The following UNC79 variants were observed in gnomAD, a reference collection of about 807,000 sequenced individuals.
UNC79 encodes the protein unc-79 subunit of NALCN channel complex.
A neutral mutation model predicts 283.1 loss-of-function variants in UNC79; 37 were observed. That is an observed-to-expected ratio of 0.13 (90% confidence interval 0.10 to 0.17). UNC79 has a LOEUF of 0.17. Ranked by LOEUF, UNC79 falls within the 10% of genes least tolerant of loss-of-function variation. The probability of loss-of-function intolerance (pLI) is 1.00; values close to 1 mark genes in which losing one functional copy is unlikely to be tolerated. For missense variants in UNC79, 2,272 were observed against 3,211.1 expected, an observed-to-expected ratio of 0.71 and a Z score of 7.07; for synonymous variants, 1,107 against 1,200.2, an observed-to-expected ratio of 0.92 and a Z score of 1.61.
At chr14:93,476,718 A>G (rs1489328095) in intron 3 of UNC79, among the ~76,000 whole-genome samples, 10 of 152,224 alleles carry the variant, frequency 6.6e-5, no homozygotes, top group Non-Finnish European at 1.3e-4. Context: ...ATATTTTGGG[A>G]AGTCCAGGAA....
chr14:93,640,424 C>A (rs560699933), intron 32 of UNC79, among the ~76,000 whole-genome samples: 3 of 152,100 alleles, frequency 2.0e-5, no homozygotes, highest in Non-Finnish European at 4.4e-5. Flanking sequence ...AGCCTAGGAT[C>A]TTGAGACAAG....
At chr14:93,360,010 T>C (rs1202112735) in intron 1 of UNC79, among the ~76,000 whole-genome samples, 2 of 152,168 alleles carry the variant, frequency 1.3e-5, no homozygotes, top group African/African-American at 2.4e-5. Flanking sequence ...CAAAACATCA[T>C]TGTGGTCCTC....
chr14:93,622,406 G>A (rs771216543), exon 30 of UNC79: 2 of 1,614,150 alleles, frequency 1.2e-6, no homozygotes, highest in South Asian at 1.1e-5. Flanking sequence ...GGACGCCGAA[G>A]GATCCTCAAA....
intron 1 of UNC79, among the ~76,000 whole-genome samples, chr14:93,416,797 A>G (rs1440168159): frequency 2.6e-5 from 4 of 151,762 alleles, no homozygotes; most frequent in African/African-American, 9.7e-5. Context: ...GTCTCTTTTG[A>G]TCTTTGTTGG....
At chr14:93,618,066 C>A in intron 28 of UNC79, 126 bp from the exon 30 acceptor site, 3 of 853,438 alleles carry the variant, frequency 3.5e-6, no homozygotes, top group Admixed American at 3.5e-5. Flanking sequence ...GTTTCTACTT[C>A]TCTCTCTCTC....
At chr14:93,692,459 A>G (rs117730898) in intron 46 of UNC79, among the ~76,000 whole-genome samples, 3,961 of 152,322 alleles carry the variant, frequency 0.026, 68 homozygotes, top group South Asian at 0.062. Context: ...GTTTGATGCT[A>G]TAATGTCAGA....
At chr14:93,639,548 C>T (rs544678232) in intron 32 of UNC79, among the ~76,000 whole-genome samples, 12 of 152,128 alleles carry the variant, frequency 7.9e-5, no homozygotes, top group South Asian at 2.1e-4. Flanking sequence ...TATACACTTA[C>T]GTATACTTAG....
intron 26 of UNC79, among the ~76,000 whole-genome samples, chr14:93,611,431 G>A (rs992010294): frequency 6.6e-6 from 1 of 152,164 alleles, no homozygotes; most frequent in Admixed American, 6.5e-5. Context: ...TGGGAAACTC[G>A]ACAACTAAGC....
At chr14:93,646,276 T>C (rs1246124396) in intron 34 of UNC79, among the ~76,000 whole-genome samples, 1 of 152,216 alleles carries the variant, frequency 6.6e-6, no homozygotes, top group Admixed American at 6.5e-5. Context: ...GAAATGAATT[T>C]CGAGTTGAGT....
chr14:93,689,973 T>G (rs1398495666), intron 44 of UNC79, 144 bp from the exon 48 acceptor site: 1 of 784,204 alleles, frequency 1.3e-6, no homozygotes, highest in Non-Finnish European at 2.0e-6. Flanking sequence ...ATCATTTTGT[T>G]GACACTCAAT....
At chr14:93,561,743 C>G (rs2062567655) in intron 14 of UNC79, among the ~76,000 whole-genome samples, 1 of 152,134 alleles carries the variant, frequency 6.6e-6, no homozygotes, top group South Asian at 2.1e-4. Flanking sequence ...GATCATCTAT[C>G]CACTCTAAGA....
rs1226743736 is a variant in UNC79 at position 93,583,637 on chromosome 14, C to T, written c.2803+1293C>T. On this transcript the variant is annotated intron_variant, in intron 20 of 48. Coordinates refer to ENST00000555664, the Ensembl canonical transcript of UNC79. ...TGAGGTGAGCTGGTTCACTGGTTTTCGGTGTGCACTTCTTGAAGCTGTAAG... is the reference window on the plus strand; with the variant it reads ...TGAGGTGAGCTGGTTCACTGGTTTTTGGTGTGCACTTCTTGAAGCTGTAAG... 5.9e-5 allele frequency among the ~76,000 whole-genome samples: 9 copies of T among 152,244 alleles called. No individual in the cohort carries two copies. The South Asian group carries it at 1.0e-3, about 18-fold the overall frequency.
intron 14 of UNC79, among the ~76,000 whole-genome samples, chr14:93,569,725 C>A (rs2063109275): frequency 6.6e-6 from 1 of 152,132 alleles, no homozygotes; most frequent in Non-Finnish European, 1.5e-5. Flanking sequence ...CATGTCCAGG[C>A]TGAGGCCCAG....
chr14:93,577,226 A>AAAAT (rs59239961), intron 17 of UNC79, among the ~76,000 whole-genome samples: 15,441 of 151,926 alleles, frequency 0.1, 1,771 homozygotes, highest in African/African-American at 0.28. Context: ...AATAATCCAA[A>AAAAT]AAAAACCATT....
In UNC79 at chr14:93,558,637, T is replaced by A. The variant is rs1261349208; in HGVS notation, c.1756-13257T>A. 5.3e-5 allele frequency among the ~76,000 whole-genome samples: 5 copies of A among 94,292 alleles called. No homozygotes were observed. The South Asian group carries it at 1.1e-3, about 21-fold the overall frequency. The allele number at this position is 94,292 out of a possible 152,430, so 61.9% of individuals were successfully genotyped here. ...TTTTTTTTTTTTTTTTTTTTTTTTT[T>A]ACCATTTACTTAACTGGTTTGCACA... On this transcript the variant is annotated intron_variant, in intron 14 of 48. Transcript: ENST00000555664.
chr14:93,420,635 T>C (rs935898042), intron 1 of UNC79, among the ~76,000 whole-genome samples: 2 of 151,808 alleles, frequency 1.3e-5, no homozygotes, highest in Non-Finnish European at 2.9e-5. Context: ...GAACATTTTA[T>C]GCAACAGCTG....
At chr14:93,636,706 C>G (rs532631909) in intron 31 of UNC79, among the ~76,000 whole-genome samples, 8 of 152,268 alleles carry the variant, frequency 5.3e-5, no homozygotes, top group African/African-American at 1.9e-4. Flanking sequence ...TGTGAACAAA[C>G]ATTTTTGAAG....
chr14:93,349,936 A>T (rs955187174), intron 1 of UNC79, among the ~76,000 whole-genome samples: 1 of 151,976 alleles, frequency 6.6e-6, no homozygotes, highest in Non-Finnish European at 1.5e-5. Context: ...ACTGTTAAAA[A>T]TAAAAAAAAT....
intron 7 of UNC79, among the ~76,000 whole-genome samples, chr14:93,502,208 T>G (rs2059327846): frequency 6.6e-6 from 1 of 152,094 alleles, no homozygotes; most frequent in South Asian, 2.1e-4. Flanking sequence ...GGTCAGGAGA[T>G]CGAGACCATC....
Sources: gnomAD v4.1 joint callset for allele counts (sites outside exome capture counted in the v4.1 genomes callset) on GRCh38, gnomAD v4.1.1 for gene constraint, MANE v1.5 for transcripts, NCBI Gene and HGNC (gene_info 2026-07-23, HGNC 2026-07-21) for gene names.